RIMKLB: variants seen among roughly 807,000 people sequenced by gnomAD.
The protein encoded by RIMKLB is ribosomal modification protein rimK like family member B, also known as beta-citrylglutamate synthase B.
In RIMKLB, 7 loss-of-function variants were observed where a neutral mutation model predicts 32.0. The ratio of observed to expected loss-of-function variants is 0.22; its 90% CI spans 0.12 to 0.41. RIMKLB has a LOEUF of 0.41. Among genes scored for constraint, RIMKLB ranks in the 10% least tolerant of loss-of-function variants. The pLI is 1.00. For synonymous variants in RIMKLB, 172 were observed against 185.1 expected, an observed-to-expected ratio of 0.93 and a Z score of 0.57; for missense variants, 289 against 498.7, an observed-to-expected ratio of 0.58 and a Z score of 4.00.
intron 2 of RIMKLB, among the ~76,000 whole-genome samples, chr12:8,724,093 T>C (rs887364121): frequency 2.0e-5 from 3 of 152,142 alleles, no homozygotes; most frequent in African/African-American, 7.2e-5. Context: ...GCTAGGTTTG[T>C]AAAGGTGTGA....
intron 5 of RIMKLB, among the ~76,000 whole-genome samples, chr12:8,761,272 C>CAAAA (rs35464055): frequency 1.1e-4 from 6 of 55,890 alleles, no homozygotes; most frequent in African/African-American, 2.8e-4. Flanking sequence ...GGGGAGATAG[C>CAAAA]AAAAAAAAAA....
chr12:8,758,468 G>C (rs1949250667), intron 5 of RIMKLB, among the ~76,000 whole-genome samples: 1 of 152,038 alleles, frequency 6.6e-6, no homozygotes. Context: ...TATATGAATT[G>C]TAAGTACAGT....
At chr12:8,695,225 T>A (rs928364591), upstream of RIMKLB, among the ~76,000 whole-genome samples, 4 of 39,024 alleles carry the variant, frequency 1.0e-4, no homozygotes, top group African/African-American at 4.2e-4. Flanking sequence ...CCCCGACACC[T>A]CCGAACTTCC....
chr12:8,678,418 C>T (rs1216803303), upstream of RIMKLB, among the ~76,000 whole-genome samples: 1 of 151,984 alleles, frequency 6.6e-6, no homozygotes, highest in East Asian at 1.9e-4. Context: ...GCATCCTCCG[C>T]CTCCCGGGTT....
intron 2 of RIMKLB, among the ~76,000 whole-genome samples, chr12:8,728,789 T>TTTTG (rs147350916): frequency 8.1e-4 from 107 of 131,902 alleles, no homozygotes; most frequent in Middle Eastern, 7.5e-3. Context: ...GTGTGTGTGT[T>TTTTG]TTTGTTTGTT....
At chr12:8,704,482 A>C (rs897191066) in intron 1 of RIMKLB, among the ~76,000 whole-genome samples, 1 of 152,188 alleles carries the variant, frequency 6.6e-6, no homozygotes, top group Non-Finnish European at 1.5e-5. Flanking sequence ...TCATGACTTA[A>C]CCTGTAGAAA....
the RIMKLB span, among the ~76,000 whole-genome samples, chr12:8,674,276 T>C: frequency 0.016 from 2,280 of 144,970 alleles, 83 homozygotes; most frequent in African/African-American, 0.054. Flanking sequence ...TCTCGCTCCA[T>C]TGCCCAGGCT....
chr12:8,764,985 T>G (rs1949836473), intron 5 of RIMKLB, among the ~76,000 whole-genome samples: 1 of 150,384 alleles, frequency 6.6e-6, no homozygotes, highest in Non-Finnish European at 1.5e-5. Context: ...CCTCCTGATT[T>G]CTATTATAAA....
At chr12:8,671,170 G>T in the RIMKLB span, among the ~76,000 whole-genome samples, 1 of 152,098 alleles carries the variant, frequency 6.6e-6, no homozygotes. Context: ...CCATGGTCTT[G>T]GGGCTTATAG....
At chr12:8,720,372 A>C (rs748372316) in intron 2 of RIMKLB, among the ~76,000 whole-genome samples, 1 of 152,314 alleles carries the variant, frequency 6.6e-6, no homozygotes, top group East Asian at 1.9e-4. Context: ...CTTAGTGGTC[A>C]ACTAATATTT....
At chr12:8,755,397 A>G (rs1051458413) in intron 5 of RIMKLB, among the ~76,000 whole-genome samples, 3 of 151,926 alleles carry the variant, frequency 2.0e-5, no homozygotes, top group African/African-American at 7.3e-5. Flanking sequence ...CACCACATCC[A>G]GCCTCTCTCT....
chr12:8,674,408 T>C, the RIMKLB span, among the ~76,000 whole-genome samples: 5 of 151,532 alleles, frequency 3.3e-5, no homozygotes, highest in Admixed American at 3.3e-4. Context: ...CCTGCTAATT[T>C]TTTTGTATTT....
intron 2 of RIMKLB, among the ~76,000 whole-genome samples, chr12:8,748,002 C>T (rs760588364): frequency 3.4e-4 from 52 of 152,158 alleles, no homozygotes; most frequent in East Asian, 1.9e-3. Flanking sequence ...GTGATTCACC[C>T]GCCTCTGCCT....
rs752563954 is a variant in RIMKLB at position 8,774,932 on chromosome 12, TA to T, written c.*1150del. 94 of 985,680 alleles carry T rather than the reference TA, an allele frequency of 9.5e-5. No homozygotes were observed. Among genetic ancestry groups the T allele is most frequent in the Non-Finnish European group, 1.0e-4 (84 of 829,898 alleles). The allele number at this position is 985,680 out of a possible 1,614,324, so 61.1% of individuals were successfully genotyped here. A position where few individuals can be genotyped will look rare whatever the true frequency, so the allele number is the denominator to read the frequency against. On this transcript the variant is annotated 3_prime_UTR_variant, in exon 6 of 6. Coordinates refer to ENST00000535829, the MANE Select transcript of RIMKLB (RefSeq NM_001297776.2). ...TGTTTTGCTTTTTGTTTCCATCAAC[TA>T]ATCAAAAAGGATAATTTAGAAAATG...
chr12:8,692,874 C>G (rs533912801), upstream of RIMKLB, among the ~76,000 whole-genome samples: 100 of 152,204 alleles, frequency 6.6e-4, no homozygotes, highest in Non-Finnish European at 1.3e-3. Flanking sequence ...CGCTACCGTT[C>G]CTTATTTGCT....
At chr12:8,702,887 T>C (rs1943524429) in intron 1 of RIMKLB, among the ~76,000 whole-genome samples, 3 of 152,248 alleles carry the variant, frequency 2.0e-5, no homozygotes, top group Admixed American at 2.0e-4. Context: ...ATGTTAAATA[T>C]GAAACTTGGG....
At chr12:8,677,893 C>T (rs1942352944), upstream of RIMKLB, among the ~76,000 whole-genome samples, 2 of 151,526 alleles carry the variant, frequency 1.3e-5, no homozygotes, top group South Asian at 4.1e-4. Flanking sequence ...ACTGGGACTA[C>T]AGGCATGCGC....
rs767138808 is a variant in RIMKLB at position 8,764,270 on chromosome 12, A to G, written c.698-9051A>G. On this transcript the variant is annotated intron_variant, in intron 5 of 5. Transcript: ENST00000535829. ...CGGGACAGGAATTCTTCGCTTGTCCATATTGTCCTTCTGTTCCCCAGACTT... is the reference window on the plus strand; with the variant it reads ...CGGGACAGGAATTCTTCGCTTGTCCGTATTGTCCTTCTGTTCCCCAGACTT... Among the ~76,000 whole-genome samples the G allele has an allele frequency of 2.6e-5, 4 of 152,232 alleles. No individual in the cohort carries two copies. In the South Asian group the frequency reaches 8.3e-4, roughly 32 times the overall value.
upstream of RIMKLB, among the ~76,000 whole-genome samples, chr12:8,695,025 T>G (rs1258554528): frequency 6.6e-6 from 1 of 152,228 alleles, no homozygotes; most frequent in Non-Finnish European, 1.5e-5. Context: ...GGTGCTAATA[T>G]GATCTTCATT....
Sources: gnomAD v4.1 joint callset for allele counts (sites outside exome capture counted in the v4.1 genomes callset) on GRCh38, gnomAD v4.1.1 for gene constraint, MANE v1.5 for transcripts, NCBI Gene and HGNC (gene_info 2026-07-23, HGNC 2026-07-21) for gene names.